SGPP2: variants seen among roughly 807,000 people sequenced by gnomAD.
SGPP2 encodes the protein sphingosine 1-phosphate phosphohydrolase 2.
SGPP2 carries 30 observed loss-of-function variants against 33.9 expected under a neutral mutation model. The ratio of observed to expected loss-of-function variants is 0.89; its 90% CI spans 0.66 to 1.20. The LOEUF (loss-of-function observed/expected upper bound fraction) is 1.20. SGPP2 is among the 50% of genes most tolerant of loss of function. SGPP2 has a pLI of 0.00. For missense variants in SGPP2, 458 were observed against 532.1 expected, an observed-to-expected ratio of 0.86 and a Z score of 1.37; for synonymous variants, 233 against 225.0, an observed-to-expected ratio of 1.04 and a Z score of -0.32.
chr2:222,436,254 A>G (rs945267901), intron 1 of SGPP2, among the ~76,000 whole-genome samples: 1 of 152,068 alleles, frequency 6.6e-6, no homozygotes, highest in African/African-American at 2.4e-5. Flanking sequence ...TGGAACTAAG[A>G]CCTCTAGGCC....
chr2:222,463,813 G>GA (rs1220455873), intron 1 of SGPP2, among the ~76,000 whole-genome samples: 1 of 152,328 alleles, frequency 6.6e-6, no homozygotes, highest in South Asian at 2.1e-4. Context: ...GATTATCACA[G>GA]AAAAAACTTT....
At position 222,487,045 on chromosome 2, in the gene SGPP2, C is replaced by T. The variant is rs545727539; in HGVS notation, c.378+12319C>T. 1.6e-4 allele frequency among the ~76,000 whole-genome samples: 24 copies of T among 152,188 alleles called. No homozygotes were observed. The South Asian group carries it at 2.9e-3, about 18-fold the overall frequency. Reference sequence around the variant, plus strand: ...TTTGATCTCAGCATACAGTTTATATCGTGCTTAGGATAAGTGGTTTGACAT... The same window carrying T: ...TTTGATCTCAGCATACAGTTTATATTGTGCTTAGGATAAGTGGTTTGACAT... On this transcript the variant is annotated intron_variant, in intron 2 of 4. Coordinates refer to ENST00000321276, the MANE Select transcript of SGPP2 (RefSeq NM_152386.4).
intron 2 of SGPP2, chr2:222,504,467 G>A (rs1250806076): frequency 6.6e-6 from 1 of 152,214 alleles, no homozygotes; most frequent in Non-Finnish European, 1.5e-5. Context: ...CTCCCATTCT[G>A]AGCACAGCAG....
chr2:222,455,053 G>GA (rs1338356980), intron 1 of SGPP2, among the ~76,000 whole-genome samples: 2 of 151,940 alleles, frequency 1.3e-5, no homozygotes, highest in Non-Finnish European at 2.9e-5. Context: ...TAGTTTAGAT[G>GA]AAAAAAACTA....
Position 222,520,737 on chromosome 2 carries a change from A to AAAAC in SGPP2, c.379-1027_379-1026insCAAA, listed in dbSNP as rs1553539835. ...GTGAGACTCTGAAAAAAAAAAAAAA[A>AAAAC]AAAAAAAACCCTCCATATCGAGCCC... On this transcript the variant is annotated intron_variant, in intron 2 of 4. Transcript: ENST00000321276. Among the ~76,000 whole-genome samples, 30 of 140,366 alleles carry AAAAC rather than the reference A, an allele frequency of 2.1e-4. 2 individuals carry two copies. The highest frequency in any genetic ancestry group is 3.1e-4 in the Non-Finnish European group (20 of 65,388). The allele number at this position is 140,366 out of a possible 152,430, so 92.1% of individuals were successfully genotyped here. A position where few individuals can be genotyped will look rare whatever the true frequency, so the allele number is the denominator to read the frequency against.
chr2:222,528,187 C>T lies in SGPP2; in HGVS notation c.648+3154C>T, dbSNP rs546046984. Among the ~76,000 whole-genome samples the T allele has an allele frequency of 2.0e-5, 3 of 152,306 alleles. No individual in the cohort carries two copies. The South Asian group carries it at 6.2e-4, about 32-fold the overall frequency. ...ATCTCTCTGAAGATATTTGAAACCC[C>T]ATGTTCAGAGAAGCCTTACTCACAG... On this transcript the variant is annotated intron_variant, in intron 4 of 4. Coordinates refer to ENST00000321276, the MANE Select transcript of SGPP2 (RefSeq NM_152386.4).
intron 3 of SGPP2, among the ~76,000 whole-genome samples, chr2:222,522,853 A>C (rs1471669056): frequency 6.6e-6 from 1 of 152,168 alleles, no homozygotes; most frequent in Non-Finnish European, 1.5e-5. Context: ...TAATTAAAAA[A>C]AATTTTTTTT....
At chr2:222,524,918 C>T (rs2106136315) in intron 3 of SGPP2, 26 bp from the exon 4 acceptor site, 1 of 1,575,950 alleles carries the variant, frequency 6.3e-7, no homozygotes, top group South Asian at 1.1e-5. Flanking sequence ...GATCTAATTC[C>T]CTTGTTTTTT....
At chr2:222,452,089 C>T (rs1697500126) in intron 1 of SGPP2, among the ~76,000 whole-genome samples, 1 of 151,802 alleles carries the variant, frequency 6.6e-6, no homozygotes, top group Admixed American at 6.6e-5. Flanking sequence ...GATTCTAAAC[C>T]CTAAAGATAT....
At chr2:222,547,835 A>G (rs1023259643) in intron 4 of SGPP2, among the ~76,000 whole-genome samples, 1 of 152,208 alleles carries the variant, frequency 6.6e-6, no homozygotes, top group African/African-American at 2.4e-5. Context: ...GCTAGGGTAT[A>G]ATTTTTAAAT....
intron 2 of SGPP2, among the ~76,000 whole-genome samples, chr2:222,492,089 C>A (rs142951003): frequency 8.4e-4 from 128 of 152,294 alleles, no homozygotes; most frequent in African/African-American, 2.9e-3. Flanking sequence ...CGTATGCTGG[C>A]ATTGAGTGCC....
At chr2:222,510,432 C>T (rs1698509144) in intron 2 of SGPP2, among the ~76,000 whole-genome samples, 2 of 152,172 alleles carry the variant, frequency 1.3e-5, no homozygotes, top group South Asian at 4.1e-4. Flanking sequence ...ATAACCAGTT[C>T]CTGACTTTTT....
chr2:222,519,594 A>G (rs1173249939), intron 2 of SGPP2, among the ~76,000 whole-genome samples: 1 of 152,214 alleles, frequency 6.6e-6, no homozygotes, highest in Non-Finnish European at 1.5e-5. Flanking sequence ...TATGGGGGAT[A>G]TATGCGCAGG....
intron 1 of SGPP2, among the ~76,000 whole-genome samples, chr2:222,439,396 G>C (rs545647801): frequency 6.6e-6 from 1 of 152,104 alleles, no homozygotes; most frequent in Non-Finnish European, 1.5e-5. Flanking sequence ...GACAAATGTG[G>C]CGGCATGCAC....
chr2:222,433,049 AAG>A (rs889510987), intron 1 of SGPP2, among the ~76,000 whole-genome samples: 3 of 133,416 alleles, frequency 2.2e-5, no homozygotes, highest in Non-Finnish European at 3.2e-5. Context: ...GAAAGAAAGA[AAG>A]AGAGAGAAAG....
rs79385348 is a variant in SGPP2, at chr2:222,517,490, C to T, written c.379-4277C>T. Among the ~76,000 whole-genome samples the T allele has an allele frequency of 7.8e-3, 1,192 of 152,292 alleles. 18 individuals are homozygous for T. Among genetic ancestry groups the T allele is most frequent in the African/African-American group, 0.027 (1,133 of 41,554 alleles). ...CCCTTCCAACTCCCCATCCATTCCA[C>T]AGAGAGCCACCTTCACCACTCAATA... is the stretch of plus-strand genomic sequence containing the variant. On this transcript the variant is annotated intron_variant, in intron 2 of 4. Transcript: ENST00000321276.
At chr2:222,467,978 A>C (rs1184453739) in intron 1 of SGPP2, among the ~76,000 whole-genome samples, 2 of 139,850 alleles carry the variant, frequency 1.4e-5, no homozygotes, top group Non-Finnish European at 3.0e-5. Context: ...AAAAAAAAAA[A>C]AAAAAAAAAA....
At chr2:222,461,644 G>C (rs1021179882) in intron 1 of SGPP2, among the ~76,000 whole-genome samples, 17 of 151,456 alleles carry the variant, frequency 1.1e-4, no homozygotes. Flanking sequence ...AGATCATCAG[G>C]CATTAGATTC....
intron 4 of SGPP2, among the ~76,000 whole-genome samples, chr2:222,535,092 A>AGCCTTTGGGCACAGTGGCTCAC (rs1698893440): frequency 7.4e-6 from 1 of 134,388 alleles, no homozygotes; most frequent in Non-Finnish European, 1.6e-5. Flanking sequence ...CAGTGGCTCA[A>AGCCTTTGGGCACAGTGGCTCAC]GCCTTTGGGC....
Sources: gnomAD v4.1 joint callset for allele counts (sites outside exome capture counted in the v4.1 genomes callset) on GRCh38, gnomAD v4.1.1 for gene constraint, MANE v1.5 for transcripts, NCBI Gene and HGNC (gene_info 2026-07-23, HGNC 2026-07-21) for gene names.